The following CPT1A variants were observed in gnomAD, a reference collection of about 807,000 sequenced individuals.
CPT1A encodes the protein carnitine O-palmitoyltransferase 1, liver isoform.
CPT1A carries 64 observed loss-of-function variants against 100.8 expected under a neutral mutation model. The observed-to-expected ratio is 0.63, with a 90% CI of 0.52 to 0.78. The LOEUF is 0.78. Among genes scored for constraint, CPT1A ranks in the 30% least tolerant of loss-of-function variants. CPT1A has a pLI of 0.00. For missense variants in CPT1A, 802 were observed against 1,034.1 expected, an observed-to-expected ratio of 0.78 and a Z score of 3.08; for synonymous variants, 363 against 396.0, an observed-to-expected ratio of 0.92 and a Z score of 0.99.
At chr11:68,789,507 C>G (rs1855559082) in intron 9 of CPT1A, among the ~76,000 whole-genome samples, 2 of 152,146 alleles carry the variant, frequency 1.3e-5, no homozygotes, top group Admixed American at 1.3e-4. Context: ...AGTGATTCTC[C>G]TGCCTCAGCC....
intron 9 of CPT1A, among the ~76,000 whole-genome samples, chr11:68,790,922 C>T (rs1368897688): frequency 6.6e-6 from 1 of 152,144 alleles, no homozygotes; most frequent in Non-Finnish European, 1.5e-5. Context: ...CTCCCAGGTT[C>T]AAGCAATCCT....
Position 68,811,035 on chromosome 11 carries a change from G to A in CPT1A, c.281+1402C>T, listed in dbSNP as rs142339224. 4.1e-4 allele frequency among the ~76,000 whole-genome samples: 63 copies of A among 152,200 alleles called. 1 individual carries two copies. The East Asian group carries it at 7.1e-3, about 17-fold the overall frequency. On this transcript the variant is annotated intron_variant, in intron 3 of 18. Coordinates refer to ENST00000265641, the MANE Select transcript of CPT1A (RefSeq NM_001876.4). ...TAACTGTGAGTGAGTTTTCGTTTAC[G>A]TCTCTTTTTCTGCCGGTTTATTTTC... is the stretch of plus-strand genomic sequence containing the variant.
chr11:68,760,260 G>C lies in CPT1A; in HGVS notation c.2107C>G (p.Pro703Ala). The change falls in exon 17 of 19, where the codon CCA becomes GCA. Residue 703 changes from proline to alanine, a missense_variant. Pro to Ala is a conservative substitution (Grantham distance 27). Transcript: ENST00000265641. ...CCCCCTCCGCTGGACACGTACTCTG[G>C]GTTATTCTCCAAGTCAAACAGCTCC... ...QVELFDLENNPEYVSSGGGFG... is the reference protein window; with the variant it reads ...QVELFDLENNAEYVSSGGGFG... 4 of 1,612,374 alleles carry C rather than the reference G, an allele frequency of 2.5e-6. No homozygotes were observed. Among genetic ancestry groups the C allele is most frequent in the Non-Finnish European group, 3.4e-6 (4 of 1,179,630 alleles).
intron 9 of CPT1A, among the ~76,000 whole-genome samples, chr11:68,789,726 C>G (rs1161796333): frequency 6.6e-6 from 1 of 152,050 alleles, no homozygotes; most frequent in Non-Finnish European, 1.5e-5. Flanking sequence ...TCTTTCATTC[C>G]CAGTGATGTT....
chr11:68,790,590 C>T (rs1054181242), intron 9 of CPT1A, among the ~76,000 whole-genome samples: 1 of 152,150 alleles, frequency 6.6e-6, no homozygotes, highest in Admixed American at 6.6e-5. Flanking sequence ...AGGCCTCCCC[C>T]AGAGCCTTTG....
At chr11:68,792,405 G>A (rs575342582) in intron 9 of CPT1A, among the ~76,000 whole-genome samples, 3 of 152,268 alleles carry the variant, frequency 2.0e-5, no homozygotes, top group Admixed American at 1.3e-4. Flanking sequence ...AAGCAGCCCC[G>A]AGGCCCGCCC....
At chr11:68,782,857 G>A (rs967093503) in intron 10 of CPT1A, among the ~76,000 whole-genome samples, 2 of 152,158 alleles carry the variant, frequency 1.3e-5, no homozygotes, top group Non-Finnish European at 2.9e-5. Flanking sequence ...CGGCACGTAC[G>A]GAGCCCTTCC....
At chr11:68,767,401 A>G (rs373050821) in intron 14 of CPT1A, among the ~76,000 whole-genome samples, 11 of 152,198 alleles carry the variant, frequency 7.2e-5, no homozygotes, top group African/African-American at 2.4e-4. Context: ...CCAGCCTGGG[A>G]AACAAGGTGA....
At chr11:68,778,660 C>A (rs1855209124) in intron 12 of CPT1A, among the ~76,000 whole-genome samples, 2 of 151,334 alleles carry the variant, frequency 1.3e-5, no homozygotes. Context: ...CGCACCACTG[C>A]ACACCAGCCT....
chr11:68,813,709 G>A (rs1594361636), intron 2 of CPT1A, among the ~76,000 whole-genome samples: 1 of 129,136 alleles, frequency 7.7e-6, no homozygotes, highest in Admixed American at 8.0e-5. Context: ...AAAAAAAAAA[G>A]AGGGGAGGGG....
At chr11:68,838,572 T>TTAAAAAAAAAAAAAAAAAAAAAAAAA (rs1491356211) in intron 1 of CPT1A, among the ~76,000 whole-genome samples, 2 of 95,514 alleles carry the variant, frequency 2.1e-5, no homozygotes, top group East Asian at 4.9e-4. Flanking sequence ...TGCACCTTTT[T>TTAAAAAAAAAAAAAAAAAAAAAAAAA]AAAAAAAAAA....
rs1854616607 is a variant in CPT1A, at chr11:68,761,557, A to G, written c.2006T>C (p.Val669Ala). The G allele has an allele frequency of 4.3e-6, 7 of 1,614,154 alleles. No homozygotes were observed. The East Asian group carries it at 8.9e-5, about 21-fold the overall frequency. ...CLYVVSKYLA[V>A]ESPFLKEVLS... ...TACTTCCTTAAGGAAAGGGGACTCC[A>G]CAGCGAGATATTTAGACACCACGTA... Residue 669 changes from valine (V) to alanine (A), a missense_variant, in exon 16 of 19, where the codon GTG (valine) becomes GCG (alanine). By Grantham distance (64) the Val-to-Ala change is moderately conservative (BLOSUM62 0). Transcript: ENST00000265641.
intron 1 of CPT1A, among the ~76,000 whole-genome samples, chr11:68,838,456 A>T (rs1373174722): frequency 6.7e-6 from 1 of 149,528 alleles, no homozygotes; most frequent in African/African-American, 2.5e-5. Flanking sequence ...TGTGTTAAGC[A>T]ATCAATTTGT....
intron 4 of CPT1A, among the ~76,000 whole-genome samples, chr11:68,805,459 A>AAG (rs1225442597): frequency 6.6e-6 from 1 of 151,960 alleles, no homozygotes; most frequent in East Asian, 1.9e-4. Flanking sequence ...TCAAAAAAAA[A>AAG]AAAAAATTTG....
At chr11:68,783,825 C>T (rs1448981100) in intron 10 of CPT1A, among the ~76,000 whole-genome samples, 1 of 152,194 alleles carries the variant, frequency 6.6e-6, no homozygotes, top group African/African-American at 2.4e-5. Context: ...CCCTCCTATA[C>T]AATACACACC....
At chr11:68,754,717 A>C (rs1594310295), downstream of CPT1A, 1 of 748,230 alleles carries the variant, frequency 1.3e-6, no homozygotes, top group Non-Finnish European at 2.5e-6. Flanking sequence ...GCAAGTGAAA[A>C]TCAACAGGCT....
chr11:68,762,719 G>C lies in CPT1A; in HGVS notation c.1783C>G (p.Arg595Gly). ...FCLTYEASMT[R>G]LFREGRTETV... ...TCCGTCCTCCCCTCTCGGAAGAGCC[G>C]GGTCATGGAGGCCTCGTATGTGAGG... The change falls in exon 15 of 19, where the codon CGG (arginine) becomes GGG (glycine). Residue 595 changes from arginine (R) to glycine (G), a missense_variant. Physicochemically the swap from Arg to Gly is moderately radical, Grantham distance 125. Around this residue, in one of 4 missense-constraint regions of CPT1A, gnomAD observed 627 missense variants for 799.3 expected, o/e 0.78. Coordinates refer to ENST00000265641, the MANE Select transcript of CPT1A (RefSeq NM_001876.4). 1.2e-6 allele frequency: 2 copies of C among 1,614,076 alleles called. No homozygotes were observed. Among genetic ancestry groups the C allele is most frequent in the Non-Finnish European group, 1.7e-6 (2 of 1,180,034 alleles).
chr11:68,763,001 G>A (rs536280657), intron 14 of CPT1A, among the ~76,000 whole-genome samples: 46 of 152,144 alleles, frequency 3.0e-4, no homozygotes, highest in African/African-American at 1.1e-3. Context: ...GGGACTACAG[G>A]TGCATGCTAA....
intron 14 of CPT1A, among the ~76,000 whole-genome samples, chr11:68,771,554 T>TGTCTGTCACAGTCAAGGATC (rs1305370980): frequency 3.3e-5 from 5 of 152,330 alleles, no homozygotes; most frequent in African/African-American, 1.2e-4. Context: ...AGACAGGAGC[T>TGTCTGTCACAGTCAAGGATC]TGTCACTGTG....
Sources: allele counts gnomAD v4.1 joint callset (sites outside exome capture counted in the v4.1 genomes callset), GRCh38; gene constraint gnomAD v4.1.1; regional missense constraint gnomAD v4.1.1; transcripts MANE v1.5; gene names NCBI Gene and HGNC (gene_info 2026-07-23, HGNC 2026-07-21).